The following RASEF variants were observed in gnomAD, a reference collection of about 807,000 sequenced individuals.
RASEF encodes ras and EF-hand domain-containing protein.
A neutral mutation model predicts 90.1 loss-of-function variants in RASEF; 68 were observed. The observed-to-expected ratio is 0.75, with a 90% CI of 0.62 to 0.92. RASEF has a LOEUF of 0.92. Among genes scored for constraint, RASEF ranks in the 40% least tolerant of loss-of-function variants. The probability of loss-of-function intolerance (pLI) is 0.00; values close to 1 mark genes in which losing one functional copy is unlikely to be tolerated. For synonymous variants in RASEF, 331 were observed against 345.2 expected (o/e 0.96, Z 0.46); for missense variants, 949 against 937.2 (o/e 1.01, Z -0.16).
intron 16 of RASEF, among the ~76,000 whole-genome samples, chr9:82,989,151 T>C (rs987941491): frequency 4.6e-5 from 7 of 152,150 alleles, no homozygotes; most frequent in African/African-American, 1.7e-4. Context: ...AACATTCTAT[T>C]AATAGAACTC....
intron 1 of RASEF, among the ~76,000 whole-genome samples, chr9:83,040,900 G>C (rs369051775): frequency 6.6e-6 from 1 of 151,890 alleles, no homozygotes; most frequent in Non-Finnish European, 1.5e-5. Flanking sequence ...CACTCTTGTC[G>C]CCCAGGCTGG....
the RASEF span, among the ~76,000 whole-genome samples, chr9:83,095,324 G>A: frequency 6.6e-6 from 1 of 151,740 alleles, no homozygotes; most frequent in Non-Finnish European, 1.5e-5. Flanking sequence ...CTGAAGCAGG[G>A]GACTCTGGAA....
the RASEF span, among the ~76,000 whole-genome samples, chr9:83,184,327 A>C: frequency 6.6e-6 from 1 of 152,156 alleles, no homozygotes; most frequent in Non-Finnish European, 1.5e-5. Context: ...TGGGAAGTAT[A>C]GAATGTTGTC....
chr9:83,112,687 C>CAA, the RASEF span, among the ~76,000 whole-genome samples: 5 of 115,300 alleles, frequency 4.3e-5, no homozygotes, highest in African/African-American at 6.3e-5. Context: ...AACTCGGTCT[C>CAA]AAAAAAAAAA....
At chr9:83,028,356 C>A (rs1829583706) in intron 1 of RASEF, among the ~76,000 whole-genome samples, 1 of 152,194 alleles carries the variant, frequency 6.6e-6, no homozygotes, top group Non-Finnish European at 1.5e-5. Context: ...AGGTGCTCGT[C>A]TAGTTTTTGG....
At chr9:83,172,250 T>G in the RASEF span, among the ~76,000 whole-genome samples, 4 of 151,944 alleles carry the variant, frequency 2.6e-5, no homozygotes, top group East Asian at 7.7e-4. Flanking sequence ...TTTTATTCCC[T>G]TCTTGTCAGA....
the RASEF span, among the ~76,000 whole-genome samples, chr9:83,150,314 G>A: frequency 2.0e-5 from 3 of 152,072 alleles, no homozygotes; most frequent in African/African-American, 7.2e-5. Context: ...ATTACCTGGA[G>A]GTTGAAGTGT....
At position 83,000,947 on chromosome 9, in the gene RASEF, C is replaced by T; in HGVS notation, c.1386G>A (p.Gln462=). The change falls in exon 10 of 17, where the codon CAG becomes CAA. Residue 462 remains glutamine (Q), a synonymous_variant. Coordinates refer to ENST00000376447, the MANE Select transcript of RASEF (RefSeq NM_152573.4). ...AGCTCTCCTGCACCCCGTGTGACCTCTGAAATCCCCTCTGGTGCTTGTATT... is the reference window on the plus strand; with the variant it reads ...AGCTCTCCTGCACCCCGTGTGACCTTTGAAATCCCCTCTGGTGCTTGTATT... ...EVEYKHQRGF[Q]RSHGVQESFG... is the part of the protein sequence containing the mutation. 1 of 1,614,174 alleles carries T rather than the reference C, an allele frequency of 6.2e-7. No individual in the cohort carries two copies. The highest frequency in any genetic ancestry group is 8.5e-7 in the Non-Finnish European group (1 of 1,180,024).
intron 9 of RASEF, among the ~76,000 whole-genome samples, chr9:83,001,467 T>C (rs1829040165): frequency 6.6e-6 from 1 of 152,186 alleles, no homozygotes; most frequent in African/African-American, 2.4e-5. Context: ...GTATGCAGAA[T>C]ATATGAGCTT....
intron 16 of RASEF, 135 bp downstream of exon 16, chr9:82,990,256 A>G: frequency 1.7e-6 from 1 of 599,270 alleles, no homozygotes; most frequent in South Asian, 2.3e-5. Flanking sequence ...ATATCCACAT[A>G]TTTATTTCTC....
the RASEF span, among the ~76,000 whole-genome samples, chr9:83,179,814 A>G: frequency 2.6e-5 from 4 of 152,200 alleles, no homozygotes; most frequent in Admixed American, 6.5e-5. Context: ...ACATACACAC[A>G]CACACGTACA....
At chr9:83,213,107 A>G in the RASEF span, among the ~76,000 whole-genome samples, 2 of 150,886 alleles carry the variant, frequency 1.3e-5, no homozygotes, top group African/African-American at 4.9e-5. Context: ...AAAAAAAAAA[A>G]GAAAGAAAAC....
chr9:83,127,291 T>C, the RASEF span, among the ~76,000 whole-genome samples: 1 of 152,182 alleles, frequency 6.6e-6, no homozygotes, highest in Non-Finnish European at 1.5e-5. Flanking sequence ...TACAAGATGA[T>C]TGGTTGCCTA....
At chr9:83,121,319 A>G in the RASEF span, among the ~76,000 whole-genome samples, 1 of 152,142 alleles carries the variant, frequency 6.6e-6, no homozygotes, top group Non-Finnish European at 1.5e-5. Flanking sequence ...ATATGTTTCT[A>G]TGTATTGATA....
chr9:83,053,595 A>G (rs1255404172), intron 1 of RASEF, among the ~76,000 whole-genome samples: 1 of 123,066 alleles, frequency 8.1e-6, no homozygotes, highest in East Asian at 2.5e-4. Flanking sequence ...TTATGATGTT[A>G]GCTGGTGATT....
At chr9:82,984,273 G>C (rs974578555) in intron 16 of RASEF, among the ~76,000 whole-genome samples, 1 of 152,154 alleles carries the variant, frequency 6.6e-6, no homozygotes, top group Non-Finnish European at 1.5e-5. Flanking sequence ...CACTATTAAT[G>C]AGATAATGTG....
At chr9:83,202,755 G>A in the RASEF span, among the ~76,000 whole-genome samples, 1 of 152,082 alleles carries the variant, frequency 6.6e-6, no homozygotes, top group African/African-American at 2.4e-5. Flanking sequence ...ACCTCGCAAA[G>A]TGCTGGGATT....
chr9:83,159,247 A>T, the RASEF span, among the ~76,000 whole-genome samples: 8 of 152,110 alleles, frequency 5.3e-5, no homozygotes, highest in Non-Finnish European at 1.2e-4. Context: ...TATTTGATAC[A>T]TCCAATTAAT....
chr9:83,103,302 C>G, the RASEF span, among the ~76,000 whole-genome samples: 1 of 152,210 alleles, frequency 6.6e-6, no homozygotes, highest in Non-Finnish European at 1.5e-5. Flanking sequence ...ATGATAATAT[C>G]TACCAAATTT....
Sources: allele counts gnomAD v4.1 joint callset (sites outside exome capture counted in the v4.1 genomes callset), GRCh38; gene constraint gnomAD v4.1.1; transcripts MANE v1.5; gene names NCBI Gene and HGNC (gene_info 2026-07-23, HGNC 2026-07-21).